The following ALPK1 variants were observed in gnomAD, a reference collection of about 807,000 sequenced individuals.
The protein encoded by ALPK1 is alpha kinase 1, also known as alpha-protein kinase 1.
In ALPK1, 110 loss-of-function variants were observed where a neutral mutation model predicts 120.6. That is an observed-to-expected ratio of 0.91 (90% CI 0.78 to 1.07). ALPK1 has a LOEUF of 1.07. Ranked by LOEUF, ALPK1 falls within the 50% of genes least tolerant of loss-of-function variation. The probability of loss-of-function intolerance (pLI) is 0.00; values close to 1 mark genes in which losing one functional copy is unlikely to be tolerated. For synonymous variants in ALPK1, 582 were observed against 560.3 expected, an observed-to-expected ratio of 1.04 and a Z score of -0.55; for missense variants, 1,498 against 1,483.9, an observed-to-expected ratio of 1.01 and a Z score of -0.16.
intron 4 of ALPK1, among the ~76,000 whole-genome samples, chr4:112,386,010 T>A (rs1432170640): frequency 6.6e-6 from 1 of 152,206 alleles, no homozygotes; most frequent in Non-Finnish European, 1.5e-5. Context: ...AAATAACAGA[T>A]CGAAGTTGAG....
intron 2 of ALPK1, among the ~76,000 whole-genome samples, chr4:112,323,283 T>C (rs1728942598): frequency 6.6e-6 from 1 of 152,204 alleles, no homozygotes; most frequent in Admixed American, 6.5e-5. Flanking sequence ...TTCCTCAAAG[T>C]GGTAAATTAA....
At chr4:112,390,817 G>T (rs549581535) in intron 4 of ALPK1, among the ~76,000 whole-genome samples, 1 of 152,276 alleles carries the variant, frequency 6.6e-6, no homozygotes, top group African/African-American at 2.4e-5. Flanking sequence ...TCCTGATAAA[G>T]AAATGAAGTA....
At chr4:112,356,457 A>T in intron 2 of ALPK1, 1 of 948,094 alleles carries the variant, frequency 1.1e-6, no homozygotes, top group South Asian at 1.3e-5. Flanking sequence ...CCCAAAGATC[A>T]TTTACGCCTT....
At chr4:112,374,243 C>A (rs999112563) in intron 2 of ALPK1, among the ~76,000 whole-genome samples, 3 of 152,188 alleles carry the variant, frequency 2.0e-5, no homozygotes, top group Non-Finnish European at 4.4e-5. Context: ...GCATCTTTAC[C>A]AGGAGTAGAT....
chr4:112,329,376 G>A (rs1009674036), intron 2 of ALPK1, among the ~76,000 whole-genome samples: 1 of 152,156 alleles, frequency 6.6e-6, no homozygotes, highest in Admixed American at 6.5e-5. Flanking sequence ...CTAGTTCACT[G>A]TTACCAGTGA....
chr4:112,360,817 C>A (rs773719676), intron 2 of ALPK1, among the ~76,000 whole-genome samples: 1 of 152,120 alleles, frequency 6.6e-6, no homozygotes, highest in Non-Finnish European at 1.5e-5. Context: ...TTTAGGTAAC[C>A]AACTGTATGT....
chr4:112,426,360 A>G, intron 7 of ALPK1, 107 bp from the exon 8 acceptor site: 1 of 763,218 alleles, frequency 1.3e-6, no homozygotes, highest in South Asian at 1.9e-5. Context: ...AACAGAATCT[A>G]ATGAGTCTTG....
intron 4 of ALPK1, among the ~76,000 whole-genome samples, chr4:112,386,442 C>T (rs775626978): frequency 1.3e-4 from 20 of 152,200 alleles, no homozygotes; most frequent in Non-Finnish European, 1.8e-4. Flanking sequence ...TGCCCTCTCC[C>T]TAGGTAGATG....
At chr4:112,384,143 G>A (rs1732048078) in intron 4 of ALPK1, 1 of 152,196 alleles carries the variant, frequency 6.6e-6, no homozygotes, top group Non-Finnish European at 1.5e-5. Context: ...AAGGTGCGAA[G>A]AGATTAATTT....
intron 1 of ALPK1, among the ~76,000 whole-genome samples, chr4:112,314,660 A>G (rs1213086070): frequency 6.6e-6 from 1 of 152,126 alleles, no homozygotes; most frequent in East Asian, 1.9e-4. Context: ...GGCAGCTGAT[A>G]GCAACAATGA....
rs745590566 is a variant in ALPK1, at chr4:112,432,272, G to A, written c.2725G>A (p.Glu909Lys). 1 of 1,614,206 alleles carries A rather than the reference G, an allele frequency of 6.2e-7. No homozygotes were observed. The highest frequency in any genetic ancestry group is 8.5e-7 in the Non-Finnish European group (1 of 1,180,030). Residue 909 changes from glutamate to lysine, a missense_variant, in exon 11 of 16, where the codon GAG becomes AAG. Coordinates refer to ENST00000650871, the MANE Select transcript of ALPK1 (RefSeq NM_025144.4). Reference sequence around the variant, plus strand: ...CCTCAGCGAGGACTGCACTACCACAGAGGAAGGAAATCAGCCTGGAAACAT... The same window carrying A: ...CCTCAGCGAGGACTGCACTACCACAAAGGAAGGAAATCAGCCTGGAAACAT... ...PVLSEDCTTT[E>K]EGNQPGNMLN...
rs886653457 is a variant in ALPK1 at position 112,412,567 on chromosome 4, G to A, written c.475+542G>A. On this transcript the variant is annotated intron_variant, in intron 5 of 15. Coordinates refer to ENST00000650871, the MANE Select transcript of ALPK1 (RefSeq NM_025144.4). ...TCACTTTGAATGAAATGAAAAAGGA[G>A]GCTGACATTCTAACTTAAGATGTGG... The A allele has an allele frequency of 1.4e-5, 6 of 423,450 alleles. No homozygotes were observed. In the East Asian group the frequency reaches 2.8e-4, roughly 20 times the overall value. 26.2% of individuals were successfully genotyped at this position (423,450 alleles called of 1,614,324 possible). A position where few individuals can be genotyped will look rare whatever the true frequency, so the allele number is the denominator to read the frequency against.
chr4:112,430,232 C>T (rs1734475619), intron 10 of ALPK1, among the ~76,000 whole-genome samples: 1 of 152,188 alleles, frequency 6.6e-6, no homozygotes, highest in Admixed American at 6.5e-5. Context: ...TCATGCCAGC[C>T]AGTCACTTAT....
At chr4:112,425,932 G>A in intron 7 of ALPK1, 181 bp downstream of exon 7, 1 of 476,018 alleles carries the variant, frequency 2.1e-6, no homozygotes, top group Admixed American at 3.6e-5. Flanking sequence ...TTAATAAAAT[G>A]TGTTTTTTTC....
At chr4:112,433,881 C>A (rs1409115936) in intron 11 of ALPK1, among the ~76,000 whole-genome samples, 1 of 152,110 alleles carries the variant, frequency 6.6e-6, no homozygotes, top group African/African-American at 2.4e-5. Flanking sequence ...CAGAGATTTC[C>A]ATCTAATGGG....
intron 4 of ALPK1, among the ~76,000 whole-genome samples, chr4:112,409,049 C>G (rs1733328210): frequency 6.6e-6 from 1 of 152,186 alleles, no homozygotes; most frequent in Non-Finnish European, 1.5e-5. Context: ...TGCCCATAAA[C>G]ATGGCTTGGC....
chr4:112,359,051 G>T (rs1730785370), intron 2 of ALPK1: 2 of 760,200 alleles, frequency 2.6e-6, no homozygotes, highest in Non-Finnish European at 2.5e-6. Context: ...CCCAAAGGCA[G>T]CGGACACAGC....
intron 2 of ALPK1, chr4:112,359,266 T>C (rs929393549): frequency 3.9e-6 from 2 of 515,202 alleles, no homozygotes; most frequent in Non-Finnish European, 7.1e-6. Flanking sequence ...CAGCATGCCA[T>C]GAGCGCCTAC....
chr4:112,391,559 TA>T (rs1732422015), intron 4 of ALPK1, among the ~76,000 whole-genome samples: 1 of 152,134 alleles, frequency 6.6e-6, no homozygotes, highest in Non-Finnish European at 1.5e-5. Flanking sequence ...CATACTGGAG[TA>T]GGGTGAGCCC....
Sources: gnomAD v4.1 joint callset for allele counts (sites outside exome capture counted in the v4.1 genomes callset) on GRCh38, gnomAD v4.1.1 for gene constraint, MANE v1.5 for transcripts, NCBI Gene and HGNC (gene_info 2026-07-23, HGNC 2026-07-21) for gene names.